FOXN1: variants seen among roughly 807,000 people sequenced by gnomAD.
The protein encoded by FOXN1 is forkhead box N1, also known as forkhead box protein N1.
A neutral mutation model predicts 49.0 loss-of-function variants in FOXN1; 15 were observed. The observed-to-expected ratio is 0.31, with a 90% CI of 0.20 to 0.47. The LOEUF (loss-of-function observed/expected upper bound fraction) is 0.47. Ranked by LOEUF, FOXN1 falls within the 20% of genes least tolerant of loss-of-function variation. The pLI is 1.00. For synonymous variants in FOXN1, 356 were observed against 369.0 expected, an observed-to-expected ratio of 0.96 and a Z score of 0.40; for missense variants, 800 against 842.8, an observed-to-expected ratio of 0.95 and a Z score of 0.63.
chr17:28,531,158 G>A (rs2069903769), intron 6 of FOXN1, among the ~76,000 whole-genome samples: 1 of 152,216 alleles, frequency 6.6e-6, no homozygotes, highest in Admixed American at 6.5e-5. Flanking sequence ...ACCCCAAGTG[G>A]GAAGAGAAAG....
Position 28,517,535 on chromosome 17 carries a change from A to C in FOXN1, c.-14-6421A>C, listed in dbSNP as rs114914937. ...ACACCTCCACAGGGTACATACCTCC[A>C]CAGGGTACATGCCTGCACAGGGTAC... On this transcript the variant is annotated intron_variant, in intron 1 of 8. Transcript: ENST00000579795. Among the ~76,000 whole-genome samples the C allele has an allele frequency of 3.7e-3, 558 of 151,026 alleles. 7 individuals are homozygous for C. The highest frequency in any genetic ancestry group is 0.013 in the African/African-American group (533 of 40,872).
chr17:28,516,286 C>A (rs1597537015), intron 1 of FOXN1, among the ~76,000 whole-genome samples: 1 of 151,478 alleles, frequency 6.6e-6, no homozygotes, highest in Admixed American at 6.6e-5. Flanking sequence ...GGGTACACAC[C>A]TCTACAGGGT....
At chr17:28,526,326 C>A (rs906727799) in intron 3 of FOXN1, among the ~76,000 whole-genome samples, 1 of 152,378 alleles carries the variant, frequency 6.6e-6, no homozygotes, top group South Asian at 2.1e-4. Flanking sequence ...CATCAACAAC[C>A]CCAGGGCACA....
At chr17:28,516,346 T>G (rs1165354024) in intron 1 of FOXN1, among the ~76,000 whole-genome samples, 187 of 98,898 alleles carry the variant, frequency 1.9e-3, no homozygotes, top group East Asian at 4.3e-3. Context: ...CCTCCACAGG[T>G]TACACACCTC....
Position 28,534,747 on chromosome 17 carries a change from G to C in FOXN1, c.1176G>C (p.Leu392=). Residue 392 remains leucine (L), a synonymous_variant, in exon 8 of 9, where the codon CTG becomes CTC. Transcript: ENST00000579795. The surrounding 1 kb of genome is among the most constrained non-coding windows in gnomAD (Gnocchi z 4.1). ...TCATTGGAGACAAGAGAGAAAAGCT[G>C]GGCTCCCCACTCCTGGGCTGTCCGC... is the stretch of plus-strand genomic sequence containing the variant. ...DSLIGDKREK[L]GSPLLGCPPP... 1 of 1,613,576 alleles carries C rather than the reference G, an allele frequency of 6.2e-7. No homozygotes were observed. The highest frequency in any genetic ancestry group is 8.5e-7 in the Non-Finnish European group (1 of 1,179,834).
intron 1 of FOXN1, among the ~76,000 whole-genome samples, chr17:28,517,084 T>C (rs113192701): frequency 7.0e-3 from 217 of 31,122 alleles, no homozygotes; most frequent in Middle Eastern, 0.033. Flanking sequence ...GGGTACACAC[T>C]TCCACAGGGT....
chr17:28,526,521 G>A (rs527962818), intron 3 of FOXN1, among the ~76,000 whole-genome samples: 7 of 152,278 alleles, frequency 4.6e-5, no homozygotes, highest in African/African-American at 1.4e-4. Context: ...ACTCTGTGCC[G>A]GCCTCTCACA....
intron 3 of FOXN1, 116 bp from the exon 4 acceptor site, chr17:28,527,135 G>A: frequency 1.3e-6 from 1 of 742,606 alleles, no homozygotes; most frequent in East Asian, 2.7e-5. Flanking sequence ...TTGTTCTCCA[G>A]GAATAAGCTT....
At chr17:28,509,708 C>A (rs1462262461) in intron 1 of FOXN1, among the ~76,000 whole-genome samples, 8 of 152,244 alleles carry the variant, frequency 5.3e-5, no homozygotes, top group Non-Finnish European at 1.0e-4. Flanking sequence ...GGCTGGCGCC[C>A]AGACAGACCT....
chr17:28,514,923 G>A (rs1323638152), intron 1 of FOXN1, among the ~76,000 whole-genome samples: 2 of 152,142 alleles, frequency 1.3e-5, no homozygotes, highest in Non-Finnish European at 2.9e-5. Flanking sequence ...GGAGGCTGAG[G>A]CGTTACCAAG....
At chr17:28,527,501 T>C in intron 4 of FOXN1, 140 bp downstream of exon 4, 1 of 684,896 alleles carries the variant, frequency 1.5e-6, no homozygotes, top group Non-Finnish European at 2.7e-6. Context: ...ACCTTAGGCT[T>C]GGCCACAGCA....
intron 1 of FOXN1, among the ~76,000 whole-genome samples, chr17:28,507,125 G>GGCC (rs1555606249): frequency 5.0e-4 from 76 of 152,326 alleles, no homozygotes; most frequent in Admixed American, 3.0e-3. Flanking sequence ...CAGAGTCCTG[G>GGCC]TGAGCAGAGC....
intron 4 of FOXN1, among the ~76,000 whole-genome samples, chr17:28,527,699 G>C (rs1045208405): frequency 1.3e-5 from 2 of 152,188 alleles, no homozygotes; most frequent in African/African-American, 4.8e-5. Context: ...GGGCAAAGAG[G>C]AGTGTGGTGT....
intron 1 of FOXN1, among the ~76,000 whole-genome samples, chr17:28,509,434 C>T (rs544735968): frequency 4.3e-4 from 66 of 152,314 alleles, no homozygotes; most frequent in African/African-American, 1.5e-3. Context: ...CCACCTCCTG[C>T]TCCATTCCTC....
At chr17:28,515,025 G>C (rs936052066) in intron 1 of FOXN1, among the ~76,000 whole-genome samples, 1 of 152,062 alleles carries the variant, frequency 6.6e-6, no homozygotes, top group African/African-American at 2.4e-5. Context: ...AGTGAACTTG[G>C]GCAAGTCAGG....
intron 3 of FOXN1, among the ~76,000 whole-genome samples, chr17:28,526,675 G>A (rs1261817697): frequency 1.3e-5 from 2 of 152,192 alleles, no homozygotes; most frequent in Non-Finnish European, 2.9e-5. Context: ...CATCAGGGAT[G>A]GCCAGGAGTC....
rs1307283229 is a variant in FOXN1, at chr17:28,538,059, C to G, written c.*623C>G. 6.3e-6 allele frequency: 1 copy of G among 157,634 alleles called. No individual in the cohort carries two copies. Among genetic ancestry groups the G allele is most frequent in the Non-Finnish European group, 1.4e-5 (1 of 71,028 alleles). The allele number at this position is 157,634 out of a possible 1,614,324, so 9.8% of individuals were successfully genotyped here. A position where few individuals can be genotyped will look rare whatever the true frequency, so the allele number is the denominator to read the frequency against. ...TCCCTGGGTTGTCTGTGGACCCCCCCAGGAGCTGCTAATTGGCAGCACCCA... is the reference window on the plus strand; with the variant it reads ...TCCCTGGGTTGTCTGTGGACCCCCCGAGGAGCTGCTAATTGGCAGCACCCA... On this transcript the variant is annotated 3_prime_UTR_variant, in exon 9 of 9. Transcript: ENST00000579795.
chr17:28,537,720 T>C lies in FOXN1; in HGVS notation c.*284T>C, dbSNP rs1159395987. On this transcript the variant is annotated 3_prime_UTR_variant, in exon 9 of 9. Transcript: ENST00000579795. ...ATGCCCTGTCCCTAGCTCACACTCATCCACACTTAAGCCCTCGTGCACACA... is the reference window on the plus strand; with the variant it reads ...ATGCCCTGTCCCTAGCTCACACTCACCCACACTTAAGCCCTCGTGCACACA... 1 of 555,902 alleles carries C rather than the reference T, an allele frequency of 1.8e-6. No individual in the cohort carries two copies. Among genetic ancestry groups the C allele is most frequent in the Non-Finnish European group, 3.3e-6 (1 of 307,374 alleles). 34.4% of individuals were successfully genotyped at this position (555,902 alleles called of 1,614,324 possible).
intron 5 of FOXN1, among the ~76,000 whole-genome samples, chr17:28,529,951 A>G (rs952201447): frequency 3.3e-5 from 5 of 151,718 alleles, no homozygotes; most frequent in African/African-American, 4.9e-5. Context: ...CAGCTGTGGA[A>G]CTGACCAGCA....
Sources: allele counts gnomAD v4.1 joint callset (sites outside exome capture counted in the v4.1 genomes callset), GRCh38; gene constraint gnomAD v4.1.1; non-coding constraint Gnocchi (gnomAD v3.1); transcripts MANE v1.5; gene names NCBI Gene and HGNC (gene_info 2026-07-23, HGNC 2026-07-21).